Variants in IRAK1BP1 observed in about 807,000 individuals in gnomAD.
The protein encoded by IRAK1BP1 is interleukin-1 receptor-associated kinase 1-binding protein 1.
A neutral mutation model predicts 28.0 loss-of-function variants in IRAK1BP1; 24 were observed. That is an observed-to-expected ratio of 0.86 (90% confidence interval 0.62 to 1.20). IRAK1BP1 has a LOEUF of 1.20. Ranked by LOEUF, IRAK1BP1 falls within the 50% of genes most tolerant of loss-of-function variation. IRAK1BP1 has a pLI of 0.00. For missense variants in IRAK1BP1, 336 were observed against 316.7 expected (o/e 1.06, Z -0.46); for synonymous variants, 131 against 116.3 (o/e 1.13, Z -0.81).
the IRAK1BP1 span, chr6:78,957,702 A>G: frequency 1.3e-5 from 2 of 151,990 alleles, no homozygotes; most frequent in African/African-American, 2.4e-5. Flanking sequence ...AAAATTCAAT[A>G]CAAATAATGA....
chr6:78,945,177 C>A, intron 4 of IRAK1BP1: 2 of 677,874 alleles, frequency 3.0e-6, no homozygotes, highest in Non-Finnish European at 2.6e-6. Flanking sequence ...AATTTATCAA[C>A]TAATACAGAT....
At chr6:78,963,204 T>C in the IRAK1BP1 span, 1 of 1,609,374 alleles carries the variant, frequency 6.2e-7, no homozygotes, top group Non-Finnish European at 8.5e-7. Flanking sequence ...TGATCTGCAC[T>C]CACCATCAGT....
chr6:78,970,245 G>C, the IRAK1BP1 span: 1 of 1,325,574 alleles, frequency 7.5e-7, no homozygotes, highest in Non-Finnish European at 1.1e-6. Flanking sequence ...AAACATTGTT[G>C]AGAAAAAACT....
chr6:78,913,967 CACA>C (rs1310794600), intron 4 of IRAK1BP1, among the ~76,000 whole-genome samples: 4 of 152,100 alleles, frequency 2.6e-5, no homozygotes, highest in East Asian at 1.9e-4. Flanking sequence ...TTGTAATCAT[CACA>C]ACATTATACT....
At chr6:78,932,419 T>G (rs1226870730) in intron 4 of IRAK1BP1, among the ~76,000 whole-genome samples, 2 of 121,800 alleles carry the variant, frequency 1.6e-5, no homozygotes, top group Non-Finnish European at 3.6e-5. Context: ...TTCTTTCTTT[T>G]TCTTTTTTTT....
the IRAK1BP1 span, among the ~76,000 whole-genome samples, chr6:78,953,335 T>C: frequency 2.0e-5 from 3 of 152,212 alleles, no homozygotes; most frequent in Non-Finnish European, 4.4e-5. Flanking sequence ...TATCTCTGTA[T>C]AGTGTTAATA....
At chr6:78,925,357 C>A (rs1365944211) in intron 4 of IRAK1BP1, among the ~76,000 whole-genome samples, 1 of 152,092 alleles carries the variant, frequency 6.6e-6, no homozygotes, top group Admixed American at 6.6e-5. Context: ...CCAAAAGTCT[C>A]ATTCAAGAAA....
downstream of IRAK1BP1, chr6:78,903,145 G>T: frequency 5.3e-6 from 6 of 1,137,914 alleles, no homozygotes; most frequent in Non-Finnish European, 7.5e-6. Context: ...AGAAAAAGAA[G>T]ACTAAGAAAA....
Position 78,878,556 on chromosome 6 carries a change from A to G in IRAK1BP1, c.316-6822A>G, listed in dbSNP as rs185435329. 6.4e-4 allele frequency among the ~76,000 whole-genome samples: 98 copies of G among 152,326 alleles called. 1 individual carries two copies. The South Asian group carries it at 8.1e-3, about 13-fold the overall frequency. Reference sequence around the variant, plus strand: ...AAAGATGGGGAGAAACCAGAGCAGAAAAGCTGAAAATTCTAAAAATCAGAG... The same window carrying G: ...AAAGATGGGGAGAAACCAGAGCAGAGAAGCTGAAAATTCTAAAAATCAGAG... On this transcript the variant is annotated intron_variant, in intron 1 of 3. Coordinates refer to ENST00000369940, the MANE Select transcript of IRAK1BP1 (RefSeq NM_001010844.4).
chr6:78,955,904 C>T, the IRAK1BP1 span: 1 of 284,352 alleles, frequency 3.5e-6, no homozygotes, highest in Non-Finnish European at 6.5e-6. Context: ...TACACCAAAC[C>T]CAAGTCTCAT....
chr6:78,969,807 A>T, the IRAK1BP1 span: 4 of 1,124,462 alleles, frequency 3.6e-6, no homozygotes, highest in Admixed American at 7.1e-5. Flanking sequence ...CACATCAAAC[A>T]TCGATAGCTT....
chr6:78,885,289 A>G, intron 1 of IRAK1BP1, 89 bp from the exon 2 acceptor site: 1 of 684,728 alleles, frequency 1.5e-6, no homozygotes, highest in East Asian at 3.0e-5. Flanking sequence ...TGTTTTTCTG[A>G]TTTTAATTAG....
chr6:78,887,149 G>T, intron 2 of IRAK1BP1, among the ~76,000 whole-genome samples: 1 of 152,174 alleles, frequency 6.6e-6, no homozygotes. Context: ...TATATGGAAT[G>T]AGATTAGATG....
At chr6:78,932,252 C>T (rs1193412543) in intron 4 of IRAK1BP1, among the ~76,000 whole-genome samples, 1 of 151,950 alleles carries the variant, frequency 6.6e-6, no homozygotes, top group African/African-American at 2.4e-5. Context: ...TCAACTTCCT[C>T]CAAATTTCGG....
the IRAK1BP1 span, among the ~76,000 whole-genome samples, chr6:78,972,603 C>G: frequency 6.6e-6 from 1 of 151,986 alleles, no homozygotes; most frequent in East Asian, 1.9e-4. Context: ...ACATTCAAAC[C>G]AAAGGCAAAG....
rs1290672965 is a variant in IRAK1BP1 at position 78,898,244 on chromosome 6, A to G, written c.693A>G (p.Gln231=). Residue 231 remains glutamine, a synonymous_variant, in exon 4 of 4, where the codon CAA becomes CAG. Transcript: ENST00000369940. ...SRLSSSLTVQ[Q]KIKSATIHAA... ...TCTCAAGTTCATTAACTGTACAACAAAAAATCAAAAGTGCAACAATACATG... is the reference window on the plus strand; with the variant it reads ...TCTCAAGTTCATTAACTGTACAACAGAAAATCAAAAGTGCAACAATACATG... 10 of 1,613,568 alleles carry G rather than the reference A, an allele frequency of 6.2e-6. No homozygotes were observed. Among genetic ancestry groups the G allele is most frequent in the East Asian group, 4.5e-5 (2 of 44,838 alleles).
At chr6:78,918,220 C>T (rs1361956459) in intron 4 of IRAK1BP1, among the ~76,000 whole-genome samples, 1 of 152,028 alleles carries the variant, frequency 6.6e-6, no homozygotes, top group Non-Finnish European at 1.5e-5. Context: ...TTGCATGAGC[C>T]TAGAAGTTTG....
At position 78,900,565 on chromosome 6, in the gene IRAK1BP1, C is replaced by T. The variant is rs899605438; in HGVS notation, c.*2231C>T. The T allele has an allele frequency of 4.6e-5, 7 of 152,178 alleles. No individual in the cohort carries two copies. Among genetic ancestry groups the T allele is most frequent in the African/African-American group, 1.7e-4 (7 of 41,444 alleles). The allele number at this position is 152,178 out of a possible 1,614,324, so 9.4% of individuals were successfully genotyped here. ...TGACCTTACTACTGGAATGTAAGCT[C>T]CTTGAAAGTGGAGATCTTGTCTGTC... On this transcript the variant is annotated 3_prime_UTR_variant, in exon 4 of 4. Coordinates refer to ENST00000369940, the MANE Select transcript of IRAK1BP1 (RefSeq NM_001010844.4).
chr6:78,925,181 A>G (rs1459754199), intron 4 of IRAK1BP1, among the ~76,000 whole-genome samples: 2 of 144,896 alleles, frequency 1.4e-5, no homozygotes, highest in Non-Finnish European at 3.1e-5. Context: ...GGGTGGGGGT[A>G]TGGGGGAGGG....
Sources: gnomAD v4.1 joint callset for allele counts (sites outside exome capture counted in the v4.1 genomes callset) on GRCh38, gnomAD v4.1.1 for gene constraint, MANE v1.5 for transcripts, NCBI Gene and HGNC (gene_info 2026-07-23, HGNC 2026-07-21) for gene names.